GTPBP1: variants seen among roughly 807,000 people sequenced by gnomAD.
The protein encoded by GTPBP1 is GTP-binding protein 1.
GTPBP1 carries 23 observed loss-of-function variants against 62.0 expected under a neutral mutation model. The observed-to-expected ratio is 0.37, with a 90% CI of 0.27 to 0.53. The LOEUF is 0.53. GTPBP1 is among the 20% of genes least tolerant of loss of function. The pLI is 0.89. For synonymous variants in GTPBP1, 344 were observed against 364.4 expected (o/e 0.94, Z 0.64); for missense variants, 640 against 917.3 (o/e 0.70, Z 3.90).
chr22:38,736,259 A>G (rs1255819599), downstream of GTPBP1: 4 of 1,609,388 alleles, frequency 2.5e-6, no homozygotes, highest in Non-Finnish European at 3.4e-6. Context: ...AGGCACCAGT[A>G]AGCAGGGCTA....
At chr22:38,721,237 G>A (rs901119896) in intron 4 of GTPBP1, among the ~76,000 whole-genome samples, 5 of 152,056 alleles carry the variant, frequency 3.3e-5, no homozygotes, top group East Asian at 1.9e-4. Context: ...GTGCCACCAC[G>A]CCTGGCTAAT....
downstream of GTPBP1, among the ~76,000 whole-genome samples, chr22:38,737,033 G>T (rs779673198): frequency 2.0e-5 from 3 of 152,136 alleles, no homozygotes; most frequent in Non-Finnish European, 4.4e-5. This position sits in a 1 kb window ranked among gnomAD's most constrained non-coding sequence, Gnocchi z 4.1. Flanking sequence ...TTTTTGTAGA[G>T]TCGGGATCTC....
At chr22:38,728,827 T>G (rs1452216460) in intron 10 of GTPBP1, 1 of 153,292 alleles carries the variant, frequency 6.5e-6, no homozygotes, top group African/African-American at 2.4e-5. Context: ...CACTGTAATG[T>G]CCTCTGGGAC....
chr22:38,730,573 A>T lies in GTPBP1; in HGVS notation c.1918-39A>T, dbSNP rs890767316. ...CCTCTGCTCTCTGGCCCTGCTCCTG[A>T]TGGGCCAGTGCTTCTCAAGCTCCTT... On this transcript the variant is annotated intron_variant, in intron 11 of 11. Transcript: ENST00000216044. This position sits in a 1 kb window ranked among gnomAD's most constrained non-coding sequence, Gnocchi z 5.6. 7.4e-7 allele frequency: 1 copy of T among 1,348,214 alleles called. No individual in the cohort carries two copies. The highest frequency in any genetic ancestry group is 1.4e-5 in the African/African-American group (1 of 70,170). The allele number at this position is 1,348,214 out of a possible 1,614,324, so 83.5% of individuals were successfully genotyped here. A position where few individuals can be genotyped will look rare whatever the true frequency, so the allele number is the denominator to read the frequency against.
intron 1 of GTPBP1, among the ~76,000 whole-genome samples, chr22:38,707,488 T>C (rs1162066064): frequency 6.6e-6 from 1 of 152,206 alleles, no homozygotes; most frequent in Non-Finnish European, 1.5e-5. Context: ...ATAATGAGGA[T>C]GGCCAAACTT....
downstream of GTPBP1, chr22:38,742,442 C>T: frequency 1.2e-6 from 2 of 1,613,624 alleles, no homozygotes; most frequent in Non-Finnish European, 1.7e-6. Context: ...CTTGCCGCAG[C>T]TCCAGACGTT....
chr22:38,716,639 C>T lies in GTPBP1; in HGVS notation c.486-13C>T. ...TAACTCTCACATAGATGTATGGGTT[C>T]ATCTACACGCAGGGTAGCAGTGGTG... is the stretch of plus-strand genomic sequence containing the variant. On this transcript the variant is annotated splice_polypyrimidine_tract_variant and intron_variant, in intron 3 of 11. Transcript: ENST00000216044. This position sits in a 1 kb window ranked among gnomAD's most constrained non-coding sequence, Gnocchi z 5.2. 1 of 1,587,156 alleles carries T rather than the reference C, an allele frequency of 6.3e-7. No homozygotes were observed. The highest frequency in any genetic ancestry group is 1.1e-5 in the South Asian group (1 of 89,344).
At chr22:38,721,615 G>A (rs1362208241) in intron 4 of GTPBP1, 127 bp from the exon 5 acceptor site, 7 of 698,578 alleles carry the variant, frequency 1.0e-5, no homozygotes, top group Non-Finnish European at 1.6e-5. Flanking sequence ...CCACATCATC[G>A]AGTCAGGGGT....
In GTPBP1 at chr22:38,731,010, T is replaced by TTGTGTG. The variant is rs397836314; in HGVS notation, c.*341_*346dup. ...TATTATATGTCTCTGTCTCTCTCTA[T>TTGTGTG]TGTGTGTGTGTGTGTGTGTGTGTGT... is the stretch of plus-strand genomic sequence containing the variant. On this transcript the variant is annotated 3_prime_UTR_variant, in exon 12 of 12. Coordinates refer to ENST00000216044, the MANE Select transcript of GTPBP1 (RefSeq NM_004286.5). 0.067 allele frequency: 12,262 copies of TTGTGTG among 183,460 alleles called. 513 individuals carry two copies. Among genetic ancestry groups the TTGTGTG allele is most frequent in the African/African-American group, 0.085 (3,137 of 36,990 alleles). 11.4% of individuals were successfully genotyped at this position (183,460 alleles called of 1,614,324 possible). A position where few individuals can be genotyped will look rare whatever the true frequency, so the allele number is the denominator to read the frequency against.
At chr22:38,707,066 A>G (rs957363748) in intron 1 of GTPBP1, among the ~76,000 whole-genome samples, 2 of 152,204 alleles carry the variant, frequency 1.3e-5, no homozygotes, top group African/African-American at 2.4e-5. Flanking sequence ...CAGTTCTCCA[A>G]CCACCTCATC....
chr22:38,734,944 T>G (rs2092788868), downstream of GTPBP1: 3 of 281,034 alleles, frequency 1.1e-5, no homozygotes, highest in South Asian at 3.1e-5. Flanking sequence ...CCTGCCCGCC[T>G]TCTTGCCCCT....
chr22:38,740,314 C>A (rs372331900), downstream of GTPBP1: 1 of 1,603,974 alleles, frequency 6.2e-7, no homozygotes, highest in Admixed American at 1.7e-5. This position sits in a 1 kb window ranked among gnomAD's most constrained non-coding sequence, Gnocchi z 4.8. Context: ...CCCACTTCTT[C>A]CGCCACCGAG....
intron 2 of GTPBP1, among the ~76,000 whole-genome samples, chr22:38,710,819 C>T (rs2092634519): frequency 6.6e-6 from 1 of 152,148 alleles, no homozygotes; most frequent in Non-Finnish European, 1.5e-5. Context: ...CTTAAGACTC[C>T]TCTTTCCCCT....
downstream of GTPBP1, chr22:38,738,229 G>T (rs781644199): frequency 1.1e-5 from 18 of 1,613,862 alleles, no homozygotes; most frequent in South Asian, 1.9e-4. This position sits in a 1 kb window ranked among gnomAD's most constrained non-coding sequence, Gnocchi z 6.6. Flanking sequence ...AACTTGCCAA[G>T]GAGTGTCCCC....
downstream of GTPBP1, chr22:38,740,039 G>T: frequency 7.1e-7 from 1 of 1,415,474 alleles, no homozygotes; most frequent in Non-Finnish European, 9.6e-7. This position sits in a 1 kb window ranked among gnomAD's most constrained non-coding sequence, Gnocchi z 4.8. Flanking sequence ...GCAGGGATAG[G>T]GTAGGAGGGA....
chr22:38,716,144 A>C lies in GTPBP1; in HGVS notation c.485+57A>C, dbSNP rs2145854474. On this transcript the variant is annotated intron_variant, in intron 3 of 11. Coordinates refer to ENST00000216044, the MANE Select transcript of GTPBP1 (RefSeq NM_004286.5). The surrounding 1 kb of genome is among the most constrained non-coding windows in gnomAD (Gnocchi z 5.2). ...CATTCTTCACAGAGGTTGGTGACTG[A>C]GCCTGTGGCACTTGGCGTGTCAGCT... 1 of 1,388,660 alleles carries C rather than the reference A, an allele frequency of 7.2e-7. No individual in the cohort carries two copies. Among genetic ancestry groups the C allele is most frequent in the Non-Finnish European group, 1.0e-6 (1 of 1,001,058 alleles). 86.0% of individuals were successfully genotyped at this position (1,388,660 alleles called of 1,614,324 possible). A position where few individuals can be genotyped will look rare whatever the true frequency, so the allele number is the denominator to read the frequency against.
rs969370054 is a variant in GTPBP1, at chr22:38,716,510, C to T, written c.486-142C>T. The T allele has an allele frequency of 3.4e-5, 22 of 650,508 alleles. No individual in the cohort carries two copies. The highest frequency in any genetic ancestry group is 2.8e-4 in the South Asian group (15 of 53,770). 40.3% of individuals were successfully genotyped at this position (650,508 alleles called of 1,614,324 possible). On this transcript the variant is annotated intron_variant, in intron 3 of 11. Transcript: ENST00000216044. This position sits in a 1 kb window ranked among gnomAD's most constrained non-coding sequence, Gnocchi z 5.2. ...CTCTAGGAACCTTCCCACTGTGCTC[C>T]TCCGGCTCAAGGAGGAGCTGTGAGC...
chr22:38,720,112 T>C (rs2145863715), intron 4 of GTPBP1, among the ~76,000 whole-genome samples: 1 of 152,064 alleles, frequency 6.6e-6, no homozygotes, highest in East Asian at 1.9e-4. Flanking sequence ...GTATTTTTAG[T>C]AGAGACAGGG....
In GTPBP1 at chr22:38,730,497, C is replaced by T. The variant is rs2092751546; in HGVS notation, c.1918-115C>T. The stretch of plus-strand genomic sequence containing the variant: ...ATTCCTGGTCAGGCTAGGGTGAGGA[C>T]CACGCAGCCTGCTCACGCATCTTCC... On this transcript the variant is annotated intron_variant, in intron 11 of 11. Coordinates refer to ENST00000216044, the MANE Select transcript of GTPBP1 (RefSeq NM_004286.5). This position sits in a 1 kb window ranked among gnomAD's most constrained non-coding sequence, Gnocchi z 5.6. The T allele has an allele frequency of 2.7e-6, 2 of 733,782 alleles. No individual in the cohort carries two copies. The highest frequency in any genetic ancestry group is 4.8e-6 in the Non-Finnish European group (2 of 417,592). 45.5% of individuals were successfully genotyped at this position (733,782 alleles called of 1,614,324 possible). A position where few individuals can be genotyped will look rare whatever the true frequency, so the allele number is the denominator to read the frequency against.
Sources: gnomAD v4.1 joint callset for allele counts (sites outside exome capture counted in the v4.1 genomes callset) on GRCh38, gnomAD v4.1.1 for gene constraint, Gnocchi (gnomAD v3.1) non-coding constraint, MANE v1.5 for transcripts, NCBI Gene and HGNC (gene_info 2026-07-23, HGNC 2026-07-21) for gene names.